Variants in DNAH9 observed in about 807,000 individuals in gnomAD.
The protein encoded by DNAH9 is dynein axonemal heavy chain 9.
DNAH9 carries 345 observed loss-of-function variants against 471.6 expected under a neutral mutation model. The ratio of observed to expected loss-of-function variants is 0.73; its 90% CI spans 0.67 to 0.80. DNAH9 has a LOEUF of 0.80. Ranked by LOEUF, DNAH9 falls within the 30% of genes least tolerant of loss-of-function variation. The pLI is 0.00. For missense variants in DNAH9, 5,407 were observed against 5,609.2 expected, an observed-to-expected ratio of 0.96 and a Z score of 1.15; for synonymous variants, 2,093 against 2,123.6, an observed-to-expected ratio of 0.99 and a Z score of 0.40.
intron 33 of DNAH9, among the ~76,000 whole-genome samples, chr17:11,753,165 C>T (rs1330237341): frequency 1.3e-5 from 2 of 152,212 alleles, no homozygotes; most frequent in Non-Finnish European, 2.9e-5. Flanking sequence ...TGCCATGGCT[C>T]ACACCAGTTT....
rs551947246 is a variant in DNAH9, at chr17:11,874,969, A to G, written c.10263A>G (p.Pro3421=). ...ACCAGACTCCCATTCCAGTCACCCC[A>G]GCCCTGGATCCCCTGAGGATGCTGA... The part of the protein sequence containing the change: ...SQLKTPIPVT[P]ALDPLRMLMD... Residue 3421 remains proline, a synonymous_variant, in exon 53 of 69, where the codon CCA becomes CCG. Coordinates refer to ENST00000262442, the MANE Select transcript of DNAH9 (RefSeq NM_001372.4). 37 of 1,613,978 alleles carry G rather than the reference A, an allele frequency of 2.3e-5. No individual in the cohort carries two copies. The highest frequency in any genetic ancestry group is 1.9e-4 in the South Asian group (17 of 91,070).
At chr17:11,933,737 TATGGAGAAAAATAAG>T in intron 64 of DNAH9, 128 bp from the exon 65 acceptor site, 2 of 737,052 alleles carry the variant, frequency 2.7e-6, no homozygotes, top group Non-Finnish European at 4.3e-6. Flanking sequence ...GCACTGAGGG[TATGGAGAAAAATAAG>T]ACATTGCTCT....
At position 11,784,396 on chromosome 17, in the gene DNAH9, T is replaced by C. The variant is rs753959335; in HGVS notation, c.7918T>C (p.Phe2640Leu). 1.7e-5 allele frequency: 27 copies of C among 1,614,172 alleles called. 1 individual carries two copies. The South Asian group carries it at 2.9e-4, about 17-fold the overall frequency. Residue 2640 changes from phenylalanine to leucine, a missense_variant, in exon 41 of 69, where the codon TTC becomes CTC. Transcript: ENST00000262442. ...ILTQHLKLGN[F>L]PASLQKSIPP... Reference sequence around the variant, plus strand: ...CACTCAGCATCTGAAGCTCGGAAACTTCCCGGCGTCCCTGCAGAAATCCAT... The same window carrying C: ...CACTCAGCATCTGAAGCTCGGAAACCTCCCGGCGTCCCTGCAGAAATCCAT...
chr17:11,829,285 G>A (rs1177478985), intron 48 of DNAH9, among the ~76,000 whole-genome samples: 1 of 152,166 alleles, frequency 6.6e-6, no homozygotes, highest in Non-Finnish European at 1.5e-5. Context: ...GCTTGATTAT[G>A]AGAGGTTTTG....
intron 56 of DNAH9, chr17:11,884,511 T>G (rs1425354394): frequency 2.2e-6 from 1 of 454,952 alleles, no homozygotes; most frequent in East Asian, 7.0e-5. Flanking sequence ...CAATATACCT[T>G]TGACGGAAGA....
intron 17 of DNAH9, among the ~76,000 whole-genome samples, chr17:11,675,977 A>G (rs895867968): frequency 1.3e-5 from 2 of 151,926 alleles, no homozygotes; most frequent in African/African-American, 4.8e-5. Flanking sequence ...TTTTTTCTCC[A>G]GAAGAGTTGG....
intron 67 of DNAH9, among the ~76,000 whole-genome samples, chr17:11,958,891 CA>C (rs1975830785): frequency 6.6e-6 from 1 of 152,030 alleles, no homozygotes; most frequent in Non-Finnish European, 1.5e-5. Flanking sequence ...AAAATGTTAA[CA>C]AATCAAATCA....
At position 11,769,221 on chromosome 17, in the gene DNAH9, AC is replaced by A; in HGVS notation, c.7445del (p.Thr2482MetfsTer21). 1 of 1,614,136 alleles carries A rather than the reference AC, an allele frequency of 6.2e-7. No homozygotes were observed. Among genetic ancestry groups the A allele is most frequent in the Non-Finnish European group, 8.5e-7 (1 of 1,180,032 alleles). On this transcript the variant is annotated frameshift_variant, in exon 38 of 69. Transcript: ENST00000262442. LOFTEE classifies it high-confidence loss of function. ...RPVMLVGTAG[T>X]GKSVLVGAKL... is the part of the protein sequence containing the mutation. Reference sequence around the variant, plus strand: ...TGTCATGCTGGTGGGCACGGCTGGCACTGGCAAGTCGGTGCTGGTGGGAGCT... The same window carrying A: ...TGTCATGCTGGTGGGCACGGCTGGCATGGCAAGTCGGTGCTGGTGGGAGCT...
intron 17 of DNAH9, among the ~76,000 whole-genome samples, chr17:11,672,913 A>G (rs2073994144): frequency 6.6e-6 from 1 of 152,116 alleles, no homozygotes; most frequent in Admixed American, 6.5e-5. Context: ...GCTGCACAGA[A>G]TTCTTCAAAC....
intron 66 of DNAH9, 43 bp from the exon 67 acceptor site, chr17:11,942,260 A>G (rs1365904303): frequency 6.3e-7 from 1 of 1,597,668 alleles, no homozygotes; most frequent in African/African-American, 1.3e-5. Flanking sequence ...CCTTCTGGAG[A>G]ATAGAGCCCT....
At chr17:11,696,502 T>A (rs2018568) in intron 22 of DNAH9, among the ~76,000 whole-genome samples, 117,345 of 151,976 alleles carry the variant, frequency 0.77, 45,752 homozygotes, top group East Asian at 0.9. Context: ...TGGATACATA[T>A]GTAGTCTTGT....
chr17:11,664,591 C>G (rs1243738082), intron 14 of DNAH9, among the ~76,000 whole-genome samples: 1 of 152,200 alleles, frequency 6.6e-6, no homozygotes, highest in East Asian at 1.9e-4. Context: ...AGAAGCTGGG[C>G]CAACCCCATC....
intron 67 of DNAH9, among the ~76,000 whole-genome samples, chr17:11,946,855 CA>C (rs1975146386): frequency 6.6e-6 from 1 of 152,086 alleles, no homozygotes; most frequent in Non-Finnish European, 1.5e-5. Flanking sequence ...ATTAATTGGA[CA>C]AACCCAAATG....
intron 32 of DNAH9, among the ~76,000 whole-genome samples, chr17:11,751,429 A>G (rs190157874): frequency 1.5e-3 from 232 of 152,198 alleles, no homozygotes; most frequent in Middle Eastern, 3.4e-3. Flanking sequence ...AAGCTATTCC[A>G]GGAATGTAGG....
chr17:11,847,210 T>A (rs903232304), intron 49 of DNAH9, among the ~76,000 whole-genome samples: 31 of 152,240 alleles, frequency 2.0e-4, no homozygotes, highest in African/African-American at 7.5e-4. Context: ...CTCTTTAGTT[T>A]AATTAGATCT....
chr17:11,871,291 A>C (rs781709398), intron 51 of DNAH9, among the ~76,000 whole-genome samples: 2 of 152,248 alleles, frequency 1.3e-5, no homozygotes, highest in South Asian at 4.1e-4. Flanking sequence ...ATAAACATAC[A>C]TGATTATATT....
At chr17:11,619,514 C>T (rs2072810653) in intron 5 of DNAH9, 34 bp from the exon 6 acceptor site, 2 of 1,272,954 alleles carry the variant, frequency 1.6e-6, no homozygotes, top group Admixed American at 1.7e-5. Context: ...GATGTCTGCA[C>T]CTGCTCAGTG....
At chr17:11,655,289 T>C (rs2073616589) in intron 14 of DNAH9, among the ~76,000 whole-genome samples, 1 of 151,878 alleles carries the variant, frequency 6.6e-6, no homozygotes, top group Non-Finnish European at 1.5e-5. Flanking sequence ...GGTCTCCAAG[T>C]CCATCCAGGT....
At chr17:11,640,596 T>C (rs188569657) in intron 10 of DNAH9, among the ~76,000 whole-genome samples, 7 of 152,348 alleles carry the variant, frequency 4.6e-5, no homozygotes, top group Non-Finnish European at 8.8e-5. Flanking sequence ...TGTTAAGTGC[T>C]GTAACTGGCT....
Sources: gnomAD v4.1 joint callset for allele counts (sites outside exome capture counted in the v4.1 genomes callset) on GRCh38, gnomAD v4.1.1 for gene constraint, MANE v1.5 for transcripts, NCBI Gene and HGNC (gene_info 2026-07-23, HGNC 2026-07-21) for gene names.